Variants in RELB observed in about 807,000 individuals in gnomAD.
RELB encodes transcription factor RelB.
A neutral mutation model predicts 55.4 loss-of-function variants in RELB; 14 were observed. The ratio of observed to expected loss-of-function variants is 0.25; its 90% confidence interval spans 0.17 to 0.40. RELB has a LOEUF of 0.40. RELB is among the 10% of genes least tolerant of loss of function. RELB has a pLI of 1.00. For synonymous variants in RELB, 409 were observed against 371.3 expected, an observed-to-expected ratio of 1.10 and a Z score of -1.17; for missense variants, 669 against 830.7, an observed-to-expected ratio of 0.81 and a Z score of 2.39.
chr19:45,017,155 T>G (rs920536444), intron 4 of RELB, among the ~76,000 whole-genome samples: 4 of 152,038 alleles, frequency 2.6e-5, no homozygotes. Context: ...TTTATAGGCT[T>G]GGGCTTTAGA....
chr19:45,017,450 A>AAAAAAAAAAAAAAACAAAAACAAAC (rs1454338340), intron 4 of RELB, among the ~76,000 whole-genome samples: 1 of 28,962 alleles, frequency 3.5e-5, no homozygotes, highest in African/African-American at 1.1e-4. Context: ...GAATCTGTCT[A>AAAAAAAAAAAAAAACAAAAACAAAC]AAAAAAAAAA....
chr19:45,013,933 C>A (rs1161945502), intron 4 of RELB, among the ~76,000 whole-genome samples: 1 of 152,116 alleles, frequency 6.6e-6, no homozygotes, highest in Non-Finnish European at 1.5e-5. Context: ...AGAAACACTC[C>A]AGCAGTGATG....
Position 45,022,196 on chromosome 19 carries a change from C to A in RELB, c.648C>A (p.Val216=). The A allele has an allele frequency of 6.2e-7, 1 of 1,603,168 alleles. No homozygotes were observed. ...GICRVRLRPH[V]SPRHSFNNLG... ...GCAGGGTGCGGCTCCGGCCTCACGTCAGCCCCCGGCACAGGTACCCACCCC... is the reference window on the plus strand; with the variant it reads ...GCAGGGTGCGGCTCCGGCCTCACGTAAGCCCCCGGCACAGGTACCCACCCC... Residue 216 remains valine, a synonymous_variant, in exon 5 of 12, where the codon GTC becomes GTA. Transcript: ENST00000221452.
At chr19:45,009,776 A>G (rs1207215651) in intron 2 of RELB, 38 bp from the exon 3 acceptor site, 3 of 1,598,476 alleles carry the variant, frequency 1.9e-6, no homozygotes, top group Non-Finnish European at 1.7e-6. Context: ...CACTTTCTGG[A>G]CCTTACCTTT....
At chr19:45,009,911 G>C (rs917486335) in intron 3 of RELB, 89 bp downstream of exon 3, 3 of 1,275,678 alleles carry the variant, frequency 2.4e-6, no homozygotes, top group Admixed American at 1.7e-5. Flanking sequence ...CAGTGGGGGT[G>C]GGGGAGAGGT....
Position 45,001,541 on chromosome 19 carries a change from C to T in RELB, c.-39C>T, listed in dbSNP as rs1331897127. 13 of 1,276,962 alleles carry T rather than the reference C, an allele frequency of 1.0e-5. No homozygotes were observed. The East Asian group carries it at 3.2e-4, about 31-fold the overall frequency. 79.1% of individuals were successfully genotyped at this position (1,276,962 alleles called of 1,614,324 possible). ...CGCTCGTCCGACCCGCGATCGTCCA[C>T]CAGACCGTGCCTCCCGGCCGCCCGG... is the stretch of plus-strand genomic sequence containing the variant. On this transcript the variant is annotated 5_prime_UTR_variant, in exon 1 of 12. Transcript: ENST00000221452.
At chr19:45,009,882 G>T in intron 3 of RELB, 60 bp downstream of exon 3, 5 of 1,497,542 alleles carry the variant, frequency 3.3e-6, no homozygotes, top group South Asian at 2.3e-5. Context: ...TACAGAAGGG[G>T]GTCTTGGCCT....
At position 45,037,590 on chromosome 19, in the gene RELB, G is replaced by T; in HGVS notation, c.1540G>T (p.Ala514Ser). 1 of 1,610,534 alleles carries T rather than the reference G, an allele frequency of 6.2e-7. No individual in the cohort carries two copies. Among genetic ancestry groups the T allele is most frequent in the Non-Finnish European group, 8.5e-7 (1 of 1,178,606 alleles). The change falls in exon 12 of 12, where the codon GCT becomes TCT. Residue 514 changes from alanine to serine, a missense_variant. This residue lies in a region of RELB where 341 missense variants were observed against 436.8 expected (regional missense o/e 0.78). Transcript: ENST00000221452. ...GCCCCCGGCACCGCCACACGCTAGC[G>T]CTGTTGTGTGCAGCGGAGGTGCCGG... ...LLPPAPPHAS[A>S]VVCSGGAGAV...
chr19:45,023,903 A>G (rs1323823191), intron 5 of RELB, among the ~76,000 whole-genome samples: 1 of 150,668 alleles, frequency 6.6e-6, no homozygotes, highest in Non-Finnish European at 1.5e-5. Context: ...GGCGCCAGCC[A>G]CCACACCTGG....
chr19:45,027,336 T>C (rs1385638924), intron 7 of RELB, among the ~76,000 whole-genome samples: 1 of 151,970 alleles, frequency 6.6e-6, no homozygotes, highest in Non-Finnish European at 1.5e-5. Context: ...AGATGTAGCA[T>C]AGTGCTTCAG....
At chr19:45,003,066 G>A in intron 2 of RELB, 70 bp downstream of exon 2, 10 of 1,444,440 alleles carry the variant, frequency 6.9e-6, no homozygotes, top group Non-Finnish European at 8.6e-6. Flanking sequence ...CCACAGAGAT[G>A]TCTCTGTTTG....
At chr19:45,028,546 C>T (rs1407423924) in intron 7 of RELB, among the ~76,000 whole-genome samples, 1 of 152,040 alleles carries the variant, frequency 6.6e-6, no homozygotes, top group African/African-American at 2.4e-5. Flanking sequence ...GTTGGCCAGG[C>T]TGGTCTCAAA....
chr19:45,025,017 G>C (rs1454940633), intron 5 of RELB, among the ~76,000 whole-genome samples: 1 of 151,754 alleles, frequency 6.6e-6, no homozygotes, highest in Non-Finnish European at 1.5e-5. Flanking sequence ...GCACTACTAT[G>C]TCTGCTAATT....
At chr19:45,003,916 T>TG (rs1971248565) in intron 2 of RELB, among the ~76,000 whole-genome samples, 2 of 10,494 alleles carry the variant, frequency 1.9e-4, no homozygotes, top group Non-Finnish European at 1.9e-4. Flanking sequence ...GTTTTTTGTG[T>TG]TTTTTTTTTT....
intron 8 of RELB, 118 bp from the exon 9 acceptor site, chr19:45,032,414 CAA>C (rs147163954): frequency 2.5e-3 from 1,745 of 694,520 alleles, no homozygotes; most frequent in East Asian, 3.3e-3. Context: ...GCAAGACTCT[CAA>C]AAAAAAAAAA....
intron 4 of RELB, among the ~76,000 whole-genome samples, chr19:45,020,038 G>A (rs1352314177): frequency 3.9e-5 from 6 of 152,044 alleles, no homozygotes; most frequent in South Asian, 2.1e-4. Context: ...GATTACAGGC[G>A]TGAGCCACTG....
At chr19:45,016,911 T>A (rs1328611172) in intron 4 of RELB, among the ~76,000 whole-genome samples, 2 of 152,122 alleles carry the variant, frequency 1.3e-5, no homozygotes, top group African/African-American at 4.8e-5. Context: ...GTTTCTGGGA[T>A]CTGGTCATTT....
intron 9 of RELB, 32 bp downstream of exon 9, chr19:45,032,781 C>T (rs751787862): frequency 1.0e-5 from 16 of 1,555,644 alleles, no homozygotes; most frequent in Non-Finnish European, 1.4e-5. Context: ...GACCCACCAC[C>T]TCGGAGACTA....
In RELB at chr19:45,005,103, G is replaced by A. The variant is rs34313265; in HGVS notation, c.154+2107G>A. On this transcript the variant is annotated intron_variant, in intron 2 of 11. Transcript: ENST00000221452. ...GGAGAATCACTTGAACCCGGGAGGC[G>A]GAAGTTGCAGTGAGCGGGGATCGTG... Among the ~76,000 whole-genome samples the A allele has an allele frequency of 9.5e-4, 144 of 152,196 alleles. 1 individual carries two copies. Among genetic ancestry groups the A allele is most frequent in the African/African-American group, 3.3e-3 (136 of 41,536 alleles).
Sources: gnomAD v4.1 joint callset for allele counts (sites outside exome capture counted in the v4.1 genomes callset) on GRCh38, gnomAD v4.1.1 for gene constraint, gnomAD v4.1.1 regional missense constraint, MANE v1.5 for transcripts, NCBI Gene and HGNC (gene_info 2026-07-23, HGNC 2026-07-21) for gene names.